METAP2: variants seen among roughly 807,000 people sequenced by gnomAD.
The protein encoded by METAP2 is methionine aminopeptidase 2.
In METAP2, 25 loss-of-function variants were observed where a neutral mutation model predicts 59.4. The ratio of observed to expected loss-of-function variants is 0.42; its 90% CI spans 0.31 to 0.59. The LOEUF is 0.59. Ranked by LOEUF, METAP2 falls within the 20% of genes least tolerant of loss-of-function variation. The pLI, the probability that METAP2 is intolerant of heterozygous loss-of-function variation, is 0.16. For missense variants in METAP2, 366 were observed against 581.2 expected (o/e 0.63, Z 3.81); for synonymous variants, 214 against 194.1 (o/e 1.10, Z -0.85).
chr12:95,494,731 G>A (rs1260798128), intron 5 of METAP2, among the ~76,000 whole-genome samples: 2 of 152,100 alleles, frequency 1.3e-5, no homozygotes, highest in East Asian at 3.8e-4. Context: ...AGTGGATTGT[G>A]TTTCTCTGAC....
At chr12:95,496,124 A>C in intron 7 of METAP2, 26 bp downstream of exon 7, 3 of 1,436,480 alleles carry the variant, frequency 2.1e-6, no homozygotes, top group Non-Finnish European at 1.9e-6. Context: ...GCACCATTTC[A>C]TTCCCAATAT....
intron 4 of METAP2, among the ~76,000 whole-genome samples, chr12:95,493,826 A>G (rs1226801135): frequency 6.6e-6 from 1 of 152,238 alleles, no homozygotes; most frequent in Non-Finnish European, 1.5e-5. Context: ...CTGACTATGA[A>G]TGAAATCTCA....
intron 1 of METAP2, among the ~76,000 whole-genome samples, chr12:95,475,744 C>T (rs888225109): frequency 9.9e-5 from 15 of 152,154 alleles, no homozygotes; most frequent in African/African-American, 3.4e-4. Context: ...CATTTATTAC[C>T]TATCTGGTGT....
At chr12:95,479,699 T>C (rs1423492763) in intron 2 of METAP2, among the ~76,000 whole-genome samples, 1 of 151,886 alleles carries the variant, frequency 6.6e-6, no homozygotes, top group Non-Finnish European at 1.5e-5. Flanking sequence ...ACCTCTGCCT[T>C]CCGGGTTCCA....
intron 4 of METAP2, among the ~76,000 whole-genome samples, chr12:95,493,285 G>C (rs2076253048): frequency 1.3e-5 from 2 of 152,120 alleles, no homozygotes; most frequent in African/African-American, 4.8e-5. Context: ...AGATCAGCCT[G>C]GACAACATAG....
chr12:95,495,872 T>C, intron 6 of METAP2, 132 bp from the exon 7 acceptor site: 1 of 617,576 alleles, frequency 1.6e-6, no homozygotes, highest in Non-Finnish European at 2.9e-6. Flanking sequence ...TTTGGGTATT[T>C]GGAGTGCAGC....
At chr12:95,483,003 C>T (rs1378663399) in intron 2 of METAP2, among the ~76,000 whole-genome samples, 1 of 152,234 alleles carries the variant, frequency 6.6e-6, no homozygotes, top group Non-Finnish European at 1.5e-5. Flanking sequence ...CCCACCTCAG[C>T]TTCCCTAGTA....
At chr12:95,503,595 C>G (rs896257985) in intron 7 of METAP2, among the ~76,000 whole-genome samples, 6 of 152,166 alleles carry the variant, frequency 3.9e-5, no homozygotes, top group African/African-American at 1.4e-4. Context: ...GAAGCAGCAA[C>G]CAGGGATCAA....
At chr12:95,489,333 TTC>T (rs1475072924) in intron 4 of METAP2, among the ~76,000 whole-genome samples, 4 of 152,228 alleles carry the variant, frequency 2.6e-5, no homozygotes, top group Admixed American at 2.0e-4. Context: ...GTAGAATAAC[TTC>T]TGTTTTTGAA....
intron 2 of METAP2, among the ~76,000 whole-genome samples, chr12:95,482,522 A>G (rs561253278): frequency 2.6e-5 from 4 of 152,018 alleles, no homozygotes; most frequent in Admixed American, 2.0e-4. Flanking sequence ...GCTCACGCCT[A>G]TAATCCCAGG....
chr12:95,476,179 G>A lies in METAP2; in HGVS notation c.259+1G>A. The A allele has an allele frequency of 6.4e-7, 1 of 1,574,656 alleles. No individual in the cohort carries two copies. The highest frequency in any genetic ancestry group is 8.7e-7 in the Non-Finnish European group (1 of 1,149,180). On this transcript the variant is annotated splice_donor_variant, in intron 2 of 10. Transcript: ENST00000323666. LOFTEE classifies it high-confidence loss of function. ...AAAGAAAGAGATGAAGATGATGAAG[G>A]TAAATGGTTAATTTGATCTTTGTGG... is the stretch of plus-strand genomic sequence containing the variant.
rs1417491254 is a variant in METAP2, at chr12:95,495,097, A to G, written c.731A>G (p.Tyr244Cys). 1 of 1,613,394 alleles carries G rather than the reference A, an allele frequency of 6.2e-7. No homozygotes were observed. Residue 244 changes from tyrosine (Y) to cysteine (C), a missense_variant, in exon 6 of 11, where the codon TAT becomes TGT. Tyr to Cys is a radical substitution (Grantham distance 194). Transcript: ENST00000323666. ...GCCGGTGACACAACAGTATTACAGTATGATGACATCTGTAAAATAGACTTT... is the reference window on the plus strand; with the variant it reads ...GCCGGTGACACAACAGTATTACAGTGTGATGACATCTGTAAAATAGACTTT... ...PNAGDTTVLQYDDICKIDFGT... is the reference protein window; with the variant it reads ...PNAGDTTVLQCDDICKIDFGT...
In METAP2 at chr12:95,490,838, G is replaced by A. The variant is rs12312842; in HGVS notation, c.429-3218G>A. Among the ~76,000 whole-genome samples the A allele has an allele frequency of 3.3e-3, 505 of 152,160 alleles. 2 individuals are homozygous for A. The highest frequency in any genetic ancestry group is 0.012 in the African/African-American group (480 of 41,518). On this transcript the variant is annotated intron_variant, in intron 4 of 10. Transcript: ENST00000323666. ...CAGTTGTAGAGGTCTCATGTTCTGGGATTTCTCCGATTGTTTCCTTGTTGG... is the reference window on the plus strand; with the variant it reads ...CAGTTGTAGAGGTCTCATGTTCTGGAATTTCTCCGATTGTTTCCTTGTTGG...
In METAP2 at chr12:95,514,486, A is replaced by C. The variant is rs200918166; in HGVS notation, c.*582A>C. On this transcript the variant is annotated 3_prime_UTR_variant, in exon 11 of 11. Coordinates refer to ENST00000323666, the MANE Select transcript of METAP2 (RefSeq NM_006838.4). ...GCATAGTGGCTAAAACAAGATCTAC[A>C]CATGCATAAAAAGGGACAATCACCT... is the stretch of plus-strand genomic sequence containing the variant. 10 of 152,288 alleles carry C rather than the reference A, an allele frequency of 6.6e-5. No individual in the cohort carries two copies. The highest frequency in any genetic ancestry group is 2.4e-4 in the African/African-American group (10 of 41,466). The allele number at this position is 152,288 out of a possible 1,614,324, so 9.4% of individuals were successfully genotyped here.
Position 95,474,315 on chromosome 12 carries a change from A to C in METAP2, c.136A>C (p.Lys46Gln). 1 of 1,614,108 alleles carries C rather than the reference A, an allele frequency of 6.2e-7. No individual in the cohort carries two copies. The highest frequency in any genetic ancestry group is 1.1e-5 in the South Asian group (1 of 91,080). The change falls in exon 1 of 11, where the codon AAA becomes CAA. Residue 46 changes from lysine (K) to glutamine (Q), a missense_variant. Physicochemically the swap from Lys to Gln is moderately conservative, Grantham distance 53 (BLOSUM62 1). This residue lies in a region of METAP2 where 177 missense variants were observed against 180.3 expected (regional missense o/e 0.98). Transcript: ENST00000323666. ...AAAAAGACGAAAGAAGAAGAAGAGC[A>C]AAGGGCCTTCTGCAGGTAAAGAGAG... ...KKKRRKKKKS[K>Q]GPSAAGEQEP...
intron 7 of METAP2, among the ~76,000 whole-genome samples, chr12:95,502,337 T>C (rs2076322754): frequency 6.6e-6 from 1 of 152,150 alleles, no homozygotes; most frequent in Non-Finnish European, 1.5e-5. Flanking sequence ...AGGACAGTTT[T>C]CCCAGATAGG....
chr12:95,489,778 C>T (rs1016651453), intron 4 of METAP2, among the ~76,000 whole-genome samples: 6 of 152,098 alleles, frequency 3.9e-5, no homozygotes, highest in Non-Finnish European at 7.4e-5. Context: ...GCGGAGGTTG[C>T]GGTGAGCTGA....
intron 8 of METAP2, among the ~76,000 whole-genome samples, chr12:95,505,990 G>A (rs1006684555): frequency 1.3e-5 from 2 of 151,334 alleles, no homozygotes; most frequent in Non-Finnish European, 2.9e-5. Flanking sequence ...TCAGCTACTC[G>A]GGAGGCTGAG....
At chr12:95,506,299 T>G (rs1034668681) in intron 8 of METAP2, among the ~76,000 whole-genome samples, 1 of 144,406 alleles carries the variant, frequency 6.9e-6, no homozygotes, top group Admixed American at 6.9e-5. Context: ...ATATATGCTT[T>G]TTTTTTTTTT....
Sources: allele counts gnomAD v4.1 joint callset (sites outside exome capture counted in the v4.1 genomes callset), GRCh38; gene constraint gnomAD v4.1.1; regional missense constraint gnomAD v4.1.1; transcripts MANE v1.5; gene names NCBI Gene and HGNC (gene_info 2026-07-23, HGNC 2026-07-21).